PCDH7: variants seen among roughly 807,000 people sequenced by gnomAD.
The protein encoded by PCDH7 is protocadherin-7.
In PCDH7, 17 loss-of-function variants were observed where a neutral mutation model predicts 58.9. That is an observed-to-expected ratio of 0.29 (90% confidence interval 0.20 to 0.43). PCDH7 has a LOEUF of 0.43. PCDH7 is among the 20% of genes least tolerant of loss of function. The probability of loss-of-function intolerance (pLI) is 1.00; values close to 1 mark genes in which losing one functional copy is unlikely to be tolerated. For missense variants in PCDH7, 1,274 were observed against 1,441.0 expected, an observed-to-expected ratio of 0.88 and a Z score of 1.88; for synonymous variants, 664 against 616.4, an observed-to-expected ratio of 1.08 and a Z score of -1.14.
At chr4:30,999,023 G>C (rs1209553133) in intron 3 of PCDH7, among the ~76,000 whole-genome samples, 1 of 152,110 alleles carries the variant, frequency 6.6e-6, no homozygotes, top group East Asian at 1.9e-4. Flanking sequence ...TACAGTGAAG[G>C]TACCTGGATA....
Position 30,723,744 on chromosome 4 carries a change from C to T in PCDH7, c.2322C>T (p.Gly774=), listed in dbSNP as rs375212735. 5 of 1,614,134 alleles carry T rather than the reference C, an allele frequency of 3.1e-6. No homozygotes were observed. The African/African-American group carries it at 6.7e-5, about 22-fold the overall frequency. Residue 774 remains glycine, a synonymous_variant, in exon 1 of 2, where the codon GGC becomes GGT. Coordinates refer to ENST00000361762, the Ensembl canonical transcript of PCDH7. This position sits in a 1 kb window ranked among gnomAD's most constrained non-coding sequence, Gnocchi z 4.6. ...TGTTGGCAACAGACAGTGATGATGG[C>T]ATCAATGCAGACCTGAACTACAGCA...
chr4:31,094,846 A>G (rs1042499125), intron 3 of PCDH7, among the ~76,000 whole-genome samples: 11 of 150,666 alleles, frequency 7.3e-5, no homozygotes, highest in African/African-American at 2.8e-4. Flanking sequence ...ATTACCAACA[A>G]CATGATGCCT....
chr4:31,021,923 C>T (rs1754052576), intron 3 of PCDH7, among the ~76,000 whole-genome samples: 3 of 152,118 alleles, frequency 2.0e-5, no homozygotes, highest in South Asian at 2.1e-4. Flanking sequence ...CAGCAACGTT[C>T]ATCTTTGTAA....
chr4:30,795,272 T>C (rs1724638277), intron 1 of PCDH7, among the ~76,000 whole-genome samples: 1 of 152,164 alleles, frequency 6.6e-6, no homozygotes, highest in Non-Finnish European at 1.5e-5. Context: ...AATCCCACCT[T>C]ACCCAGCTCT....
At chr4:30,941,162 T>C (rs1470211259) in intron 2 of PCDH7, among the ~76,000 whole-genome samples, 1 of 151,962 alleles carries the variant, frequency 6.6e-6, no homozygotes, top group Non-Finnish European at 1.5e-5. Flanking sequence ...GAACAACTTG[T>C]ATTTTAAAAA....
At chr4:30,899,752 CAT>C (rs746332405) in intron 1 of PCDH7, among the ~76,000 whole-genome samples, 4 of 151,904 alleles carry the variant, frequency 2.6e-5, no homozygotes, top group Non-Finnish European at 5.9e-5. Context: ...TTCTTCACCA[CAT>C]ATGTGTGTTT....
At chr4:30,891,913 G>T (rs1560473979) in intron 1 of PCDH7, among the ~76,000 whole-genome samples, 1 of 151,792 alleles carries the variant, frequency 6.6e-6, no homozygotes, top group African/African-American at 2.4e-5. Flanking sequence ...TAAGGGGATC[G>T]TGTTTGCAAG....
chr4:31,022,950 G>A (rs1172891040), intron 3 of PCDH7, among the ~76,000 whole-genome samples: 1 of 152,154 alleles, frequency 6.6e-6, no homozygotes, highest in Non-Finnish European at 1.5e-5. Context: ...GAAAGATAAA[G>A]GAGAAACAGG....
intron 1 of PCDH7, among the ~76,000 whole-genome samples, chr4:30,747,327 A>G (rs1435909889): frequency 6.6e-6 from 1 of 152,176 alleles, no homozygotes; most frequent in Non-Finnish European, 1.5e-5. Context: ...TTAGCTTCCC[A>G]TTGCCCCTGT....
At chr4:31,008,496 A>G (rs1247363699) in intron 3 of PCDH7, among the ~76,000 whole-genome samples, 1 of 152,266 alleles carries the variant, frequency 6.6e-6, no homozygotes, top group Middle Eastern at 3.4e-3. Flanking sequence ...TACTTTGTTA[A>G]GTTAGATTTT....
intron 1 of PCDH7, among the ~76,000 whole-genome samples, chr4:30,882,122 C>T (rs1002034183): frequency 1.4e-4 from 20 of 143,622 alleles, no homozygotes; most frequent in African/African-American, 3.9e-4. Context: ...CTCCTCCTCC[C>T]GTTTCTCTCC....
rs1474117112 is a variant in PCDH7, at chr4:31,112,294, G to T, written c.*8-30179G>T. 3.9e-5 allele frequency among the ~76,000 whole-genome samples: 6 copies of T among 152,108 alleles called. No individual in the cohort carries two copies. In the East Asian group the frequency reaches 5.8e-4, roughly 15 times the overall value. On this transcript the variant is annotated intron_variant, in intron 3 of 3. Coordinates refer to the PCDH7 transcript ENST00000509759. ...ATTTTGCAGACATTTTATTCTTATG[G>T]TTATCCATAGTTTTGAATGAATATG...
intron 3 of PCDH7, among the ~76,000 whole-genome samples, chr4:30,983,231 G>A (rs967625777): frequency 5.9e-5 from 9 of 152,152 alleles, no homozygotes; most frequent in African/African-American, 1.4e-4. Context: ...ATATAAATCT[G>A]TGTCTACATC....
chr4:30,897,190 C>A (rs1255336141), intron 1 of PCDH7, among the ~76,000 whole-genome samples: 1 of 152,038 alleles, frequency 6.6e-6, no homozygotes, highest in East Asian at 1.9e-4. Context: ...AGGCGTGAGC[C>A]ACCGCGCCCG....
At chr4:31,006,782 C>T (rs1441873041) in intron 3 of PCDH7, among the ~76,000 whole-genome samples, 1 of 151,628 alleles carries the variant, frequency 6.6e-6, no homozygotes. Context: ...ATCTCAGCTA[C>T]TTGGGAGGCT....
At chr4:30,936,560 G>C (rs1244672508) in intron 2 of PCDH7, among the ~76,000 whole-genome samples, 2 of 151,890 alleles carry the variant, frequency 1.3e-5, no homozygotes, top group Non-Finnish European at 2.9e-5. Context: ...GTTTAAGGCC[G>C]GCAATAAACT....
At chr4:30,736,293 G>A (rs1226139416), downstream of PCDH7, among the ~76,000 whole-genome samples, 1 of 151,968 alleles carries the variant, frequency 6.6e-6, no homozygotes, top group African/African-American at 2.4e-5. Context: ...ACCCCATACT[G>A]GTTGGATGGA....
At chr4:30,914,193 T>C (rs1319032182) in intron 1 of PCDH7, among the ~76,000 whole-genome samples, 1 of 152,138 alleles carries the variant, frequency 6.6e-6, no homozygotes, top group Non-Finnish European at 1.5e-5. Flanking sequence ...TATAAGTATA[T>C]GGTAGTTTAA....
intron 3 of PCDH7, among the ~76,000 whole-genome samples, chr4:31,124,983 C>A (rs1006012248): frequency 6.6e-6 from 1 of 152,186 alleles, no homozygotes; most frequent in Non-Finnish European, 1.5e-5. Flanking sequence ...GCTTTTCTTT[C>A]TGTGAAATGA....
Sources: allele counts gnomAD v4.1 joint callset (sites outside exome capture counted in the v4.1 genomes callset), GRCh38; gene constraint gnomAD v4.1.1; non-coding constraint Gnocchi (gnomAD v3.1); transcripts MANE v1.5; gene names NCBI Gene and HGNC (gene_info 2026-07-23, HGNC 2026-07-21).